The following BNC2 variants were observed in gnomAD, a reference collection of about 807,000 sequenced individuals.
The protein encoded by BNC2 is basonuclin zinc finger protein 2, also known as zinc finger protein basonuclin-2.
In BNC2, 20 loss-of-function variants were observed where a neutral mutation model predicts 76.3. That is an observed-to-expected ratio of 0.26 (90% CI 0.18 to 0.38). BNC2 has a LOEUF of 0.38. BNC2 is among the 10% of genes least tolerant of loss of function. BNC2 has a pLI of 1.00. For synonymous variants in BNC2, 582 were observed against 514.8 expected (o/e 1.13, Z -1.77); for missense variants, 1,382 against 1,399.8 (o/e 0.99, Z 0.20).
chr9:16,510,381 G>A (rs1822725122), intron 5 of BNC2, among the ~76,000 whole-genome samples: 2 of 152,184 alleles, frequency 1.3e-5, no homozygotes. Flanking sequence ...AAGAAAGCAA[G>A]GAGATCCACT....
intron 3 of BNC2, among the ~76,000 whole-genome samples, chr9:16,604,209 C>T (rs1183972501): frequency 6.6e-6 from 1 of 152,086 alleles, no homozygotes; most frequent in South Asian, 2.1e-4. Context: ...TGGGACCCAT[C>T]TTAATTAGAA....
chr9:16,451,286 C>T (rs1019105709), intron 5 of BNC2, among the ~76,000 whole-genome samples: 3 of 151,794 alleles, frequency 2.0e-5, no homozygotes, highest in African/African-American at 7.3e-5. Context: ...AATATAAATG[C>T]CAAAAGGTAC....
intron 5 of BNC2, among the ~76,000 whole-genome samples, chr9:16,462,751 T>G (rs1040457992): frequency 2.6e-4 from 39 of 152,282 alleles, no homozygotes; most frequent in African/African-American, 8.9e-4. Flanking sequence ...TTCCTGCTTG[T>G]TCCTGGTCTT....
chr9:16,594,453 C>T (rs1237630371), intron 3 of BNC2, among the ~76,000 whole-genome samples: 1 of 152,162 alleles, frequency 6.6e-6, no homozygotes, highest in African/African-American at 2.4e-5. Context: ...AATGCCAAAG[C>T]ACTGTAATCA....
intron 1 of BNC2, among the ~76,000 whole-genome samples, chr9:16,849,315 T>C (rs1043826263): frequency 6.7e-6 from 1 of 148,908 alleles, no homozygotes; most frequent in Admixed American, 6.8e-5. Flanking sequence ...TTTTTAACAA[T>C]AAAATGATTC....
intron 3 of BNC2, among the ~76,000 whole-genome samples, chr9:16,707,907 G>C (rs1333692493): frequency 6.6e-6 from 1 of 152,160 alleles, no homozygotes; most frequent in Non-Finnish European, 1.5e-5. Flanking sequence ...CTCCCAAAGT[G>C]CTAGGATTAC....
At chr9:16,538,230 T>G (rs1281002365) in intron 5 of BNC2, among the ~76,000 whole-genome samples, 1 of 152,212 alleles carries the variant, frequency 6.6e-6, no homozygotes, top group African/African-American at 2.4e-5. Context: ...CTACTGGCAC[T>G]AGACTATCAC....
At chr9:16,785,686 G>A (rs375906225) in intron 1 of BNC2, among the ~76,000 whole-genome samples, 34 of 150,546 alleles carry the variant, frequency 2.3e-4, no homozygotes, top group African/African-American at 8.1e-4. Flanking sequence ...ACCACGCCCA[G>A]CCTATGTATT....
Position 16,626,044 on chromosome 9 carries a change from G to T in BNC2, c.331-42959C>A, listed in dbSNP as rs1034080668. 23 of 152,244 alleles carry T rather than the reference G, an allele frequency of 1.5e-4. 1 individual carries two copies. Among genetic ancestry groups the T allele is most frequent in the African/African-American group, 4.1e-4 (17 of 41,464 alleles). 9.4% of individuals were successfully genotyped at this position (152,244 alleles called of 1,614,324 possible). ...TCATCTTCTAATGGATGAGGAGCTAGTTGGGGCCCTTAAAAGAAACACAAC... is the reference window on the plus strand; with the variant it reads ...TCATCTTCTAATGGATGAGGAGCTATTTGGGGCCCTTAAAAGAAACACAAC... On this transcript the variant is annotated intron_variant, in intron 3 of 6. Transcript: ENST00000380672.
In BNC2 at chr9:16,410,796, A is replaced by T. The variant is rs1371124928; in HGVS notation, c.*8193T>A. ...GAAAAGTCAGAGGAGATTAAGATAC[A>T]CAATGAGAGGAATGGATTACTCTGT... On this transcript the variant is annotated 3_prime_UTR_variant, in exon 7 of 7. Transcript: ENST00000380672. 6.6e-6 allele frequency: 1 copy of T among 152,216 alleles called. No homozygotes were observed. The highest frequency in any genetic ancestry group is 1.5e-5 in the Non-Finnish European group (1 of 68,044). The allele number at this position is 152,216 out of a possible 1,614,324, so 9.4% of individuals were successfully genotyped here.
At chr9:16,862,012 C>G (rs1490095880) in intron 1 of BNC2, among the ~76,000 whole-genome samples, 2 of 150,782 alleles carry the variant, frequency 1.3e-5, no homozygotes, top group Non-Finnish European at 3.0e-5. Flanking sequence ...AAAAAAGACA[C>G]ATAACAAGTG....
chr9:16,693,937 T>C (rs1477965262), intron 3 of BNC2, among the ~76,000 whole-genome samples: 1 of 152,230 alleles, frequency 6.6e-6, no homozygotes, highest in Admixed American at 6.5e-5. Context: ...TTTGCTCCAC[T>C]CAGCTTCTCT....
chr9:16,843,851 T>C (rs1818894981), intron 1 of BNC2, among the ~76,000 whole-genome samples: 2 of 152,182 alleles, frequency 1.3e-5, no homozygotes, highest in African/African-American at 4.8e-5. Flanking sequence ...CAAGCAGAAA[T>C]TCATGTTAGA....
chr9:16,604,651 C>T (rs185962352), intron 3 of BNC2, among the ~76,000 whole-genome samples: 49 of 151,650 alleles, frequency 3.2e-4, no homozygotes, highest in Admixed American at 1.2e-3. Context: ...TACAAAAAAA[C>T]ACAATTAGCC....
At chr9:16,622,559 G>GT (rs1820893396) in intron 3 of BNC2, among the ~76,000 whole-genome samples, 1 of 152,098 alleles carries the variant, frequency 6.6e-6, no homozygotes, top group African/African-American at 2.4e-5. Context: ...CTCAGAGAAG[G>GT]TTTTTCCACT....
At chr9:16,650,873 G>GT in intron 3 of BNC2, among the ~76,000 whole-genome samples, 1 of 152,214 alleles carries the variant, frequency 6.6e-6, no homozygotes, top group Admixed American at 6.5e-5. Flanking sequence ...TTATGTTTGT[G>GT]TAAGTTTTGT....
At chr9:16,447,525 A>G (rs1490470535) in intron 5 of BNC2, among the ~76,000 whole-genome samples, 3 of 152,130 alleles carry the variant, frequency 2.0e-5, no homozygotes, top group Admixed American at 1.3e-4. Flanking sequence ...GACTGAAAGT[A>G]TGCCTTTATC....
chr9:16,517,521 A>T (rs1246681504), intron 5 of BNC2, among the ~76,000 whole-genome samples: 1 of 152,130 alleles, frequency 6.6e-6, no homozygotes, highest in Non-Finnish European at 1.5e-5. Context: ...GGGCAGTGGG[A>T]GGGTAATTCC....
chr9:16,477,713 C>CT (rs912405555), intron 5 of BNC2, among the ~76,000 whole-genome samples: 5 of 151,980 alleles, frequency 3.3e-5, no homozygotes, highest in Non-Finnish European at 7.4e-5. Context: ...ATAGAATTTT[C>CT]TTTTTTATCA....
Sources: allele counts gnomAD v4.1 joint callset (sites outside exome capture counted in the v4.1 genomes callset), GRCh38; gene constraint gnomAD v4.1.1; transcripts MANE v1.5; gene names NCBI Gene and HGNC (gene_info 2026-07-23, HGNC 2026-07-21).